FBXW12: variants seen among roughly 807,000 people sequenced by gnomAD.
FBXW12 encodes the protein F-box and WD repeat domain containing 12, also known as F-box/WD repeat-containing protein 12.
In FBXW12, 43 loss-of-function variants were observed where a neutral mutation model predicts 55.3. The observed-to-expected ratio is 0.78, with a 90% confidence interval of 0.61 to 1.00. FBXW12 has a LOEUF of 1.00. Among genes scored for constraint, FBXW12 ranks in the 50% least tolerant of loss-of-function variants. The probability of loss-of-function intolerance (pLI) is 0.00; values close to 1 mark genes in which losing one functional copy is unlikely to be tolerated. For missense variants in FBXW12, 524 were observed against 560.5 expected (o/e 0.93, Z 0.66); for synonymous variants, 184 against 203.8 (o/e 0.90, Z 0.83).
chr3:48,381,026 T>G (rs1388884852), intron 8 of FBXW12, 114 bp downstream of exon 8: 14 of 739,096 alleles, frequency 1.9e-5, no homozygotes, highest in African/African-American at 1.8e-4. Flanking sequence ...TTTCTAGTTT[T>G]TTTTTTTTTT....
intron 5 of FBXW12, among the ~76,000 whole-genome samples, chr3:48,376,461 C>T (rs2036687816): frequency 6.6e-6 from 1 of 152,082 alleles, no homozygotes; most frequent in South Asian, 2.1e-4. Flanking sequence ...AGAAAGTGGT[C>T]TCTAGCTCAG....
chr3:48,373,305 T>C lies in FBXW12; in HGVS notation c.91-3T>C. 6.2e-7 allele frequency: 1 copy of C among 1,614,090 alleles called. No homozygotes were observed. Among genetic ancestry groups the C allele is most frequent in the Non-Finnish European group, 8.5e-7 (1 of 1,180,014 alleles). On this transcript the variant is annotated splice_region_variant and splice_polypyrimidine_tract_variant and intron_variant, in intron 2 of 10. Transcript: ENST00000296438. ...TGCTTGTCTCTTCCTTTCTCTCCCA[T>C]AGCATTGGAATAGGATTGCAGACAG...
chr3:48,381,950 G>T lies in FBXW12; in HGVS notation c.1165-5G>T, dbSNP rs932730600. ...TTGGCCACTCACTCTGGCTATCCTTGGAAGGATCCTTGCTATGTGCTCACC... is the reference window on the plus strand; with the variant it reads ...TTGGCCACTCACTCTGGCTATCCTTTGAAGGATCCTTGCTATGTGCTCACC... On this transcript the variant is annotated splice_region_variant and splice_polypyrimidine_tract_variant and intron_variant, in intron 9 of 10. Coordinates refer to ENST00000296438, the MANE Select transcript of FBXW12 (RefSeq NM_207102.2). The T allele has an allele frequency of 6.2e-7, 1 of 1,614,084 alleles. No homozygotes were observed. Among genetic ancestry groups the T allele is most frequent in the South Asian group, 1.1e-5 (1 of 91,078 alleles).
chr3:48,385,381 C>T (rs994728033), intron 10 of FBXW12, among the ~76,000 whole-genome samples: 13 of 132,720 alleles, frequency 9.8e-5, no homozygotes, highest in Non-Finnish European at 2.2e-4. Context: ...TATGTATCTA[C>T]ACATATACCA....
chr3:48,387,194 G>A (rs1030073647), intron 10 of FBXW12, among the ~76,000 whole-genome samples: 4 of 152,070 alleles, frequency 2.6e-5, no homozygotes, highest in African/African-American at 9.7e-5. Context: ...TATGATGGGT[G>A]AGTTTTTACA....
intron 6 of FBXW12, 60 bp downstream of exon 6, chr3:48,378,586 C>A: frequency 2.3e-6 from 3 of 1,313,976 alleles, no homozygotes; most frequent in Non-Finnish European, 2.2e-6. Flanking sequence ...TCTTGTCAGG[C>A]ATCCGTGTCA....
At chr3:48,377,524 C>T (rs2036701476) in intron 5 of FBXW12, among the ~76,000 whole-genome samples, 1 of 152,320 alleles carries the variant, frequency 6.6e-6, no homozygotes, top group East Asian at 1.9e-4. Flanking sequence ...GAGAGACCTA[C>T]AGCCAGAACT....
chr3:48,393,882 A>C (rs1178279728), intron 10 of FBXW12, among the ~76,000 whole-genome samples: 5 of 150,122 alleles, frequency 3.3e-5, no homozygotes, highest in Non-Finnish European at 7.4e-5. Flanking sequence ...GGGTTCAAGC[A>C]ATTCTCCTGC....
At chr3:48,391,895 T>C (rs1488381490) in intron 10 of FBXW12, among the ~76,000 whole-genome samples, 1 of 152,210 alleles carries the variant, frequency 6.6e-6, no homozygotes, top group African/African-American at 2.4e-5. Context: ...TTGCTACTAT[T>C]TTCTTGAGGA....
chr3:48,385,460 G>A (rs1260037850), intron 10 of FBXW12, among the ~76,000 whole-genome samples: 1 of 152,012 alleles, frequency 6.6e-6, no homozygotes, highest in Non-Finnish European at 1.5e-5. Flanking sequence ...ATTGTGAATA[G>A]TGCTGAAGTG....
intron 10 of FBXW12, among the ~76,000 whole-genome samples, chr3:48,392,854 A>G (rs1449871895): frequency 6.6e-6 from 1 of 152,102 alleles, no homozygotes; most frequent in African/African-American, 2.4e-5. Flanking sequence ...TGATTAGGAT[A>G]TGTCTGGTAT....
Position 48,380,867 on chromosome 3 carries a change from T to G in FBXW12, c.940T>G (p.Phe314Val). 6.2e-7 allele frequency: 1 copy of G among 1,614,088 alleles called. No individual in the cohort carries two copies. The highest frequency in any genetic ancestry group is 1.1e-5 in the South Asian group (1 of 91,080). Residue 314 changes from phenylalanine to valine, a missense_variant, in exon 8 of 11, where the codon TTT becomes GTT. Phe to Val is a conservative substitution (Grantham distance 50, BLOSUM62 -1). Transcript: ENST00000296438. Reference sequence around the variant, plus strand: ...TGGAAAAAAGACAGAATTTATCACCTTTGATCTAACAACCAAGAAGACTGG... The same window carrying G: ...TGGAAAAAAGACAGAATTTATCACCGTTGATCTAACAACCAAGAAGACTGG... Reference protein sequence around the residue: ...STGKKTEFITFDLTTKKTGGQ... With the variant: ...STGKKTEFITVDLTTKKTGGQ...
chr3:48,379,430 T>C lies in FBXW12; in HGVS notation c.646T>C (p.Phe216Leu). The change falls in exon 7 of 11, where the codon TTT (phenylalanine) becomes CTT (leucine). Residue 216 changes from phenylalanine to leucine, a missense_variant. Phe to Leu is a conservative substitution (Grantham distance 22, BLOSUM62 0). Coordinates refer to ENST00000296438, the MANE Select transcript of FBXW12 (RefSeq NM_207102.2). Reference protein sequence around the residue: ...VGDAAGDIYTFTLPGLRDVSK... With the variant: ...VGDAAGDIYTLTLPGLRDVSK... The stretch of plus-strand genomic sequence containing the variant: ...CGATGCTGCAGGTGACATCTACACA[T>C]TTACACTGCCTGGGTTAAGAGATGT... 1 of 1,614,202 alleles carries C rather than the reference T, an allele frequency of 6.2e-7. No homozygotes were observed. The highest frequency in any genetic ancestry group is 8.5e-7 in the Non-Finnish European group (1 of 1,180,018).
intron 9 of FBXW12, 30 bp downstream of exon 9, chr3:48,381,908 G>T (rs1345457746): frequency 6.2e-7 from 1 of 1,611,044 alleles, no homozygotes; most frequent in African/African-American, 1.3e-5. Flanking sequence ...ACTGCTTTTT[G>T]ATCTGACTTT....
At chr3:48,388,678 G>A (rs1312403184) in intron 10 of FBXW12, among the ~76,000 whole-genome samples, 9 of 152,094 alleles carry the variant, frequency 5.9e-5, no homozygotes, top group Admixed American at 5.2e-4. Flanking sequence ...ATAGAATCTG[G>A]TTGGGTCATG....
At position 48,394,698 on chromosome 3, in the gene FBXW12, C is replaced by G; in HGVS notation, c.*39C>G. 9.3e-7 allele frequency: 1 copy of G among 1,071,698 alleles called. No homozygotes were observed. Among genetic ancestry groups the G allele is most frequent in the Non-Finnish European group, 1.4e-6 (1 of 707,118 alleles). The allele number at this position is 1,071,698 out of a possible 1,614,324, so 66.4% of individuals were successfully genotyped here. On this transcript the variant is annotated 3_prime_UTR_variant, in exon 11 of 11. Transcript: ENST00000296438. ...AAAATTGACCTTGCATCATCTTCTG[C>G]AATGTAGTAAAGAAATTCTATTTGC...
chr3:48,374,776 TTTTTTTTTTTAA>T (rs373404782), intron 4 of FBXW12, among the ~76,000 whole-genome samples: 1,453 of 144,684 alleles, frequency 0.01, 12 homozygotes, highest in Middle Eastern at 0.049. Context: ...TTTTTTTTTT[TTTTTTTTTTTAA>T]AAACAGAGTC....
chr3:48,378,366 T>C lies in FBXW12; in HGVS notation c.455T>C (p.Leu152Pro). 1 of 1,614,140 alleles carries C rather than the reference T, an allele frequency of 6.2e-7. No individual in the cohort carries two copies. The highest frequency in any genetic ancestry group is 1.3e-5 in the African/African-American group (1 of 75,032). The change falls in exon 6 of 11, where the codon CTG becomes CCG. Residue 152 changes from leucine to proline, a missense_variant. Physicochemically the swap from Leu to Pro is moderately conservative, Grantham distance 98 (BLOSUM62 -3). Coordinates refer to ENST00000296438, the MANE Select transcript of FBXW12 (RefSeq NM_207102.2). The stretch of plus-strand genomic sequence containing the variant: ...GTCCAGGAGTTCCATTTCTCAAATC[T>C]GGTAACCCTCCCTCAGATGCATCTC... The part of the protein sequence containing the change: ...SPVQEFHFSN[L>P]VTLPQMHLAI...
intron 10 of FBXW12, among the ~76,000 whole-genome samples, chr3:48,393,470 G>T (rs998346603): frequency 9.2e-5 from 14 of 152,148 alleles, no homozygotes; most frequent in African/African-American, 3.4e-4. Context: ...GTGGAGAGGG[G>T]TAAAAGTGTC....
Sources: gnomAD v4.1 joint callset for allele counts (sites outside exome capture counted in the v4.1 genomes callset) on GRCh38, gnomAD v4.1.1 for gene constraint, MANE v1.5 for transcripts, NCBI Gene and HGNC (gene_info 2026-07-23, HGNC 2026-07-21) for gene names.